Variants in RFFL observed in about 807,000 individuals in gnomAD.
The protein encoded by RFFL is E3 ubiquitin-protein ligase rififylin.
RFFL carries 16 observed loss-of-function variants against 40.4 expected under a neutral mutation model. That is an observed-to-expected ratio of 0.40 (90% CI 0.27 to 0.60). The LOEUF (loss-of-function observed/expected upper bound fraction) is 0.60, where lower values mean the gene tolerates loss of function less well. RFFL is among the 20% of genes least tolerant of loss of function. The pLI, the probability that RFFL is intolerant of heterozygous loss-of-function variation, is 0.47. For synonymous variants in RFFL, 154 were observed against 167.9 expected (o/e 0.92, Z 0.64); for missense variants, 367 against 451.7 (o/e 0.81, Z 1.70).
At chr17:35,019,307 C>G (rs2090993595) in intron 3 of RFFL, among the ~76,000 whole-genome samples, 2 of 152,228 alleles carry the variant, frequency 1.3e-5, no homozygotes, top group Middle Eastern at 6.8e-3. Flanking sequence ...TAGGTGCAAT[C>G]TGGAAATTTC....
rs895223478 is a variant in RFFL at position 35,025,109 on chromosome 17, C to T, written c.180+1265G>A. 9 of 152,252 alleles carry T rather than the reference C, an allele frequency of 5.9e-5. No individual in the cohort carries two copies. The East Asian group carries it at 1.7e-3, about 29-fold the overall frequency. 9.4% of individuals were successfully genotyped at this position (152,252 alleles called of 1,614,324 possible). Reference sequence around the variant, plus strand: ...GCAATGGCCTTCTTCATCTCTGCCTCCCTAGCCCAGGCAATTCCTGATACA... The same window carrying T: ...GCAATGGCCTTCTTCATCTCTGCCTTCCTAGCCCAGGCAATTCCTGATACA... On this transcript the variant is annotated intron_variant, in intron 2 of 6. Coordinates refer to ENST00000394597, the MANE Select transcript of RFFL (RefSeq NM_001017368.2).
chr17:35,059,391 C>T (rs181211916), intron 1 of RFFL, among the ~76,000 whole-genome samples: 74 of 152,328 alleles, frequency 4.9e-4, no homozygotes, highest in African/African-American at 1.6e-3. Context: ...TCCCAGCCAA[C>T]AGCTAGCTCC....
At chr17:35,041,327 G>T (rs566755865) in intron 1 of RFFL, among the ~76,000 whole-genome samples, 2 of 152,046 alleles carry the variant, frequency 1.3e-5, no homozygotes, top group African/African-American at 4.8e-5. Flanking sequence ...AATGTTGCTT[G>T]TTCCTAGAAG....
chr17:35,017,656 G>A lies in RFFL; in HGVS notation c.592-50C>T, dbSNP rs77898281. 1.4e-3 allele frequency: 1,725 copies of A among 1,219,916 alleles called. 20 individuals carry two copies. In the African/African-American group the frequency reaches 0.023, roughly 17 times the overall value. The allele number at this position is 1,219,916 out of a possible 1,614,324, so 75.6% of individuals were successfully genotyped here. On this transcript the variant is annotated intron_variant, in intron 3 of 6. Coordinates refer to ENST00000394597, the MANE Select transcript of RFFL (RefSeq NM_001017368.2). ...ACATCTAGAGATGTCCCAGAGATCT[G>A]CATAGCATGGGCCTCTTTTCAACTC...
intron 1 of RFFL, among the ~76,000 whole-genome samples, chr17:35,046,957 A>G (rs1285615985): frequency 6.6e-6 from 1 of 152,238 alleles, no homozygotes; most frequent in African/African-American, 2.4e-5. Context: ...TTCAGAGTAA[A>G]GTCTTCTAAC....
In RFFL at chr17:35,027,616, C is replaced by T. The variant is rs769767915; in HGVS notation, c.-8-1055G>A. ...GCGCATGCCTGAAATCCCAGCTACT[C>T]GGAAGGCTGAGGCAGAAGAATGGCT... On this transcript the variant is annotated intron_variant, in intron 1 of 6. Transcript: ENST00000394597. Among the ~76,000 whole-genome samples the T allele has an allele frequency of 9.3e-5, 14 of 150,810 alleles. No homozygotes were observed. In the East Asian group the frequency reaches 2.7e-3, roughly 30 times the overall value.
chr17:35,059,819 C>T (rs2091281582), intron 1 of RFFL, among the ~76,000 whole-genome samples: 1 of 152,150 alleles, frequency 6.6e-6, no homozygotes, highest in Non-Finnish European at 1.5e-5. Flanking sequence ...AGGCTAAAAT[C>T]TTTCCCCCCT....
intron 1 of RFFL, among the ~76,000 whole-genome samples, chr17:35,040,602 CAAA>C (rs1314518844): frequency 8.2e-6 from 1 of 122,192 alleles, no homozygotes. Context: ...GACTCTCTCT[CAAA>C]AAAAAAAAAA....
At chr17:35,036,589 A>C (rs1331010196) in intron 1 of RFFL, 1 of 152,248 alleles carries the variant, frequency 6.6e-6, no homozygotes, top group Non-Finnish European at 1.5e-5. Flanking sequence ...CTGTGGAAGA[A>C]CCTTGTGATA....
upstream of RFFL, among the ~76,000 whole-genome samples, chr17:35,067,695 T>A (rs908457237): frequency 5.3e-5 from 8 of 152,148 alleles, no homozygotes; most frequent in African/African-American, 1.9e-4. Context: ...CCTCAAGTGA[T>A]CCGCCCGTCT....
At chr17:35,056,778 C>T (rs1295549369) in intron 1 of RFFL, among the ~76,000 whole-genome samples, 1 of 152,236 alleles carries the variant, frequency 6.6e-6, no homozygotes, top group Non-Finnish European at 1.5e-5. Context: ...GAGACAAACA[C>T]TTCCTTACTG....
intron 1 of RFFL, among the ~76,000 whole-genome samples, chr17:35,044,093 T>C (rs1314444830): frequency 6.6e-6 from 1 of 152,212 alleles, no homozygotes; most frequent in Non-Finnish European, 1.5e-5. Flanking sequence ...TAATGCTCTA[T>C]TTCATTGATT....
intron 1 of RFFL, among the ~76,000 whole-genome samples, chr17:35,081,846 A>C (rs2091404380): frequency 6.6e-6 from 1 of 152,218 alleles, no homozygotes; most frequent in South Asian, 2.1e-4. Context: ...CAATTGTATT[A>C]CACACTAGTT....
chr17:35,026,343 T>C (rs1597817280), intron 2 of RFFL, 31 bp downstream of exon 2: 1 of 1,608,436 alleles, frequency 6.2e-7, no homozygotes, highest in East Asian at 2.2e-5. Context: ...TAGGCTGCAG[T>C]GGCAGAGCAG....
intron 1 of RFFL, among the ~76,000 whole-genome samples, chr17:35,032,631 G>A (rs9889304): frequency 1.3e-5 from 2 of 152,024 alleles, no homozygotes; most frequent in African/African-American, 4.8e-5. Context: ...GTATACACAG[G>A]TACATGTTTG....
intron 1 of RFFL, among the ~76,000 whole-genome samples, chr17:35,048,296 G>A (rs1346365675): frequency 2.0e-5 from 3 of 151,794 alleles, no homozygotes; most frequent in African/African-American, 7.3e-5. Flanking sequence ...CAGCTGCTTG[G>A]GAGGTTGAGA....
At chr17:35,051,054 A>G (rs1386737875) in intron 1 of RFFL, among the ~76,000 whole-genome samples, 1 of 152,254 alleles carries the variant, frequency 6.6e-6, no homozygotes, top group African/African-American at 2.4e-5. Context: ...AAATAGCCAA[A>G]CACAGACTGA....
chr17:35,033,464 G>T (rs1047438521), intron 1 of RFFL, among the ~76,000 whole-genome samples: 1 of 151,904 alleles, frequency 6.6e-6, no homozygotes, highest in Non-Finnish European at 1.5e-5. Context: ...GGAGGTGGAA[G>T]TTGCAGTGAG....
At chr17:35,037,919 T>G (rs777689824) in intron 1 of RFFL, among the ~76,000 whole-genome samples, 11 of 152,280 alleles carry the variant, frequency 7.2e-5, no homozygotes, top group South Asian at 2.1e-4. Context: ...GTACAAATTA[T>G]GACCACAAAG....
Sources: gnomAD v4.1 joint callset for allele counts (sites outside exome capture counted in the v4.1 genomes callset) on GRCh38, gnomAD v4.1.1 for gene constraint, MANE v1.5 for transcripts, NCBI Gene and HGNC (gene_info 2026-07-23, HGNC 2026-07-21) for gene names.